Variants in EXOC4 observed in about 807,000 individuals in gnomAD.
EXOC4 encodes SEC8-like 1.
EXOC4 carries 71 observed loss-of-function variants against 107.2 expected under a neutral mutation model. The observed-to-expected ratio is 0.66, with a 90% confidence interval of 0.55 to 0.81. The LOEUF (loss-of-function observed/expected upper bound fraction) is 0.81. EXOC4 is among the 30% of genes least tolerant of loss of function. The pLI is 0.00. For synonymous variants in EXOC4, 456 were observed against 441.2 expected (o/e 1.03, Z -0.42); for missense variants, 1,108 against 1,189.6 (o/e 0.93, Z 1.01).
chr7:133,872,244 A>G (rs1798765979), intron 11 of EXOC4, among the ~76,000 whole-genome samples: 1 of 152,208 alleles, frequency 6.6e-6, no homozygotes, highest in Non-Finnish European at 1.5e-5. Flanking sequence ...ACCCCAGGAA[A>G]ATAAAGGGAT....
At chr7:133,570,661 T>G (rs1420503819) in intron 9 of EXOC4, among the ~76,000 whole-genome samples, 1 of 152,298 alleles carries the variant, frequency 6.6e-6, no homozygotes, top group African/African-American at 2.4e-5. Context: ...AAGTTAAATA[T>G]CCAAGGTCAC....
At chr7:133,770,994 T>C (rs530678363) in intron 10 of EXOC4, among the ~76,000 whole-genome samples, 71 of 152,088 alleles carry the variant, frequency 4.7e-4, no homozygotes, top group Non-Finnish European at 7.7e-4. Flanking sequence ...GGACATGTTG[T>C]AGCCCAGCAA....
At chr7:134,079,215 A>G in the EXOC4 span, among the ~76,000 whole-genome samples, 2 of 152,160 alleles carry the variant, frequency 1.3e-5, no homozygotes, top group Admixed American at 1.3e-4. Flanking sequence ...CTGCTCAGGA[A>G]GCACTCTCTG....
intron 7 of EXOC4, among the ~76,000 whole-genome samples, chr7:133,471,430 C>T (rs1035637031): frequency 6.6e-6 from 1 of 151,070 alleles, no homozygotes; most frequent in African/African-American, 2.4e-5. Context: ...AAAAAAAAAT[C>T]CCTTTACTAA....
At chr7:133,900,554 A>G (rs993504314) in intron 12 of EXOC4, among the ~76,000 whole-genome samples, 1 of 152,152 alleles carries the variant, frequency 6.6e-6, no homozygotes, top group African/African-American at 2.4e-5. Flanking sequence ...AGTGGGTGTT[A>G]AGCATGGAGT....
chr7:133,979,581 A>G (rs529880404), intron 14 of EXOC4, among the ~76,000 whole-genome samples: 97 of 152,220 alleles, frequency 6.4e-4, no homozygotes, highest in African/African-American at 2.2e-3. Context: ...AGGTCAAGAG[A>G]TCGAGATCAT....
chr7:134,019,147 C>G (rs1794973469), intron 17 of EXOC4, among the ~76,000 whole-genome samples: 1 of 152,140 alleles, frequency 6.6e-6, no homozygotes, highest in Non-Finnish European at 1.5e-5. Context: ...CCAGGATGGT[C>G]TCGATCTCCT....
intron 10 of EXOC4, among the ~76,000 whole-genome samples, chr7:133,753,981 C>T (rs887326356): frequency 1.3e-5 from 2 of 152,184 alleles, no homozygotes; most frequent in African/African-American, 4.8e-5. Flanking sequence ...TATATACTAA[C>T]TCATTTAATC....
At chr7:133,852,391 G>A (rs935727642) in intron 11 of EXOC4, among the ~76,000 whole-genome samples, 4 of 151,972 alleles carry the variant, frequency 2.6e-5, no homozygotes, top group African/African-American at 9.7e-5. Flanking sequence ...AAGGACTATA[G>A]TCTGTTACAA....
intron 10 of EXOC4, among the ~76,000 whole-genome samples, chr7:133,773,609 T>C (rs1019522810): frequency 5.3e-5 from 8 of 151,930 alleles, no homozygotes. Flanking sequence ...GCTGCTAAAA[T>C]ATCTGGGTAC....
At chr7:133,976,103 C>T (rs1447098149) in intron 14 of EXOC4, among the ~76,000 whole-genome samples, 1 of 152,134 alleles carries the variant, frequency 6.6e-6, no homozygotes, top group Admixed American at 6.5e-5. Context: ...GTGTTGGAGA[C>T]ACTAAAGCCT....
intron 9 of EXOC4, among the ~76,000 whole-genome samples, chr7:133,597,975 G>T (rs1585022761): frequency 6.6e-6 from 1 of 151,346 alleles, no homozygotes; most frequent in African/African-American, 2.4e-5. Flanking sequence ...ATCCGAGATG[G>T]CGCCATTACT....
At chr7:133,348,133 A>C (rs763132422) in intron 5 of EXOC4, among the ~76,000 whole-genome samples, 1 of 152,228 alleles carries the variant, frequency 6.6e-6, no homozygotes. Flanking sequence ...TAAAGCACCA[A>C]TAATTCTACC....
At chr7:134,100,520 G>T in the EXOC4 span, among the ~76,000 whole-genome samples, 6 of 127,916 alleles carry the variant, frequency 4.7e-5, 1 homozygote, top group Non-Finnish European at 3.5e-5. Context: ...AGCTTACTGG[G>T]GTAAGAATAT....
chr7:133,774,476 A>C (rs1465120122), intron 10 of EXOC4, among the ~76,000 whole-genome samples: 2 of 152,166 alleles, frequency 1.3e-5, no homozygotes, highest in African/African-American at 4.8e-5. Flanking sequence ...AGCTTTCAAT[A>C]AATGTTAACT....
At chr7:133,672,849 C>T (rs558084378) in intron 10 of EXOC4, among the ~76,000 whole-genome samples, 3 of 152,332 alleles carry the variant, frequency 2.0e-5, no homozygotes, top group South Asian at 4.1e-4. Flanking sequence ...GAAACCCAGT[C>T]TTATCCCAGG....
chr7:133,969,495 G>T (rs1054765779), intron 14 of EXOC4, among the ~76,000 whole-genome samples: 1 of 152,100 alleles, frequency 6.6e-6, no homozygotes, highest in African/African-American at 2.4e-5. Context: ...CCTTGTTCTT[G>T]GATATTGGTG....
chr7:133,922,479 T>C (rs1439462882), intron 13 of EXOC4, among the ~76,000 whole-genome samples: 1 of 152,210 alleles, frequency 6.6e-6, no homozygotes, highest in East Asian at 1.9e-4. Context: ...TTCATCCATA[T>C]TGCTGTATAT....
At chr7:133,709,904 G>A (rs1468177343) in intron 10 of EXOC4, among the ~76,000 whole-genome samples, 2 of 151,982 alleles carry the variant, frequency 1.3e-5, no homozygotes, top group Non-Finnish European at 2.9e-5. Context: ...TAGCTAGACT[G>A]CTATTACTGT....
Sources: gnomAD v4.1 joint callset for allele counts (sites outside exome capture counted in the v4.1 genomes callset) on GRCh38, gnomAD v4.1.1 for gene constraint, MANE v1.5 for transcripts, NCBI Gene and HGNC (gene_info 2026-07-23, HGNC 2026-07-21) for gene names.